The following SPSB2 variants were observed in gnomAD, a reference collection of about 807,000 sequenced individuals.
The protein encoded by SPSB2 is splA/ryanodine receptor domain and SOCS box containing 2.
Under a neutral mutation model 19.2 loss-of-function variants are expected in SPSB2, and 25 were observed. The ratio of observed to expected loss-of-function variants is 1.30; its 90% CI spans 0.95 to 1.82. SPSB2 has a LOEUF of 1.82. Ranked by LOEUF, SPSB2 falls within the 40% of genes most tolerant of loss-of-function variation. SPSB2 has a pLI of 0.00. For missense variants in SPSB2, 413 were observed against 344.9 expected (o/e 1.20, Z -1.56); for synonymous variants, 153 against 154.9 (o/e 0.99, Z 0.09).
At chr12:6,871,760 G>A (rs1201528846) in intron 2 of SPSB2, 4 of 366,198 alleles carry the variant, frequency 1.1e-5, no homozygotes, top group Admixed American at 4.4e-5. Context: ...CTCCTCCCTG[G>A]TGCCCAGGGC....
rs1555133263 is a variant in SPSB2 at position 6,871,190 on chromosome 12, G to A, written c.*2C>T. The A allele has an allele frequency of 6.3e-7, 1 of 1,594,476 alleles. No homozygotes were observed. The highest frequency in any genetic ancestry group is 1.8e-5 in the Admixed American group (1 of 55,960). On this transcript the variant is annotated 3_prime_UTR_variant, in exon 3 of 3. Transcript: ENST00000524270. ...TCAGCACAGTCTGTGGTATCACAGG[G>A]CTCACTGGTAGAGCAGGTAGCGCTT...
At chr12:6,872,167 A>G in intron 2 of SPSB2, 71 bp downstream of exon 2, 1 of 1,613,328 alleles carries the variant, frequency 6.2e-7, no homozygotes, top group East Asian at 2.2e-5. Flanking sequence ...TGCTCTTGTC[A>G]GAAGAGTTTC....
chr12:6,873,119 G>T, intron 1 of SPSB2, 122 bp from the exon 2 acceptor site: 1 of 540,152 alleles, frequency 1.9e-6, no homozygotes, highest in South Asian at 2.7e-5. Flanking sequence ...CAAAGCTCCT[G>T]GGCCCTTCAT....
At position 6,872,398 on chromosome 12, in the gene SPSB2, C is replaced by T. The variant is rs1565540722; in HGVS notation, c.504G>A (p.Leu168=). 1 of 1,614,242 alleles carries T rather than the reference C, an allele frequency of 6.2e-7. No individual in the cohort carries two copies. Among genetic ancestry groups the T allele is most frequent in the African/African-American group, 1.3e-5 (1 of 75,068 alleles). The stretch of plus-strand genomic sequence containing the variant: ...TTCCCTCCTCCATGTCCAGAACCAC[C>T]AGCAGTCTCTCTGGCACCTCCAGCT... ...GEQLEVPERL[L]VVLDMEEGTL... The change falls in exon 2 of 3, where the codon CTG becomes CTA. Residue 168 remains leucine (L), a synonymous_variant. Coordinates refer to ENST00000524270, the MANE Select transcript of SPSB2 (RefSeq NM_032641.4).
chr12:6,871,343 G>T lies in SPSB2; in HGVS notation c.665-24C>A, dbSNP rs76935190. ...CGCTGGGAGAGAGAAGGAGGGGAATGTAAGTATGGGTGCAGCCACCAGCCA... is the reference window on the plus strand; with the variant it reads ...CGCTGGGAGAGAGAAGGAGGGGAATTTAAGTATGGGTGCAGCCACCAGCCA... On this transcript the variant is annotated intron_variant, in intron 2 of 2. Coordinates refer to ENST00000524270, the MANE Select transcript of SPSB2 (RefSeq NM_032641.4). 370 of 1,604,192 alleles carry T rather than the reference G, an allele frequency of 2.3e-4. 4 individuals are homozygous for T. In the African/African-American group the frequency reaches 4.2e-3, roughly 18 times the overall value.
Position 6,872,495 on chromosome 12 carries a change from C to T in SPSB2, c.407G>A (p.Gly136Glu), listed in dbSNP as rs1555133886. 3.7e-6 allele frequency: 6 copies of T among 1,612,980 alleles called. No homozygotes were observed. The highest frequency in any genetic ancestry group is 1.3e-5 in the African/African-American group (1 of 75,052). The stretch of plus-strand genomic sequence containing the variant: ...GCTCTGATGGTACAGCTTCCCCCGC[C>T]CGATGTCCCAGCCCCACGACTCGCT... ...SNSESWGWDI[G>E]RGKLYHQSKG... is the part of the protein sequence containing the mutation. Residue 136 changes from glycine to glutamate, a missense_variant, in exon 2 of 3, where the codon GGG becomes GAG. Coordinates refer to ENST00000524270, the MANE Select transcript of SPSB2 (RefSeq NM_032641.4).
At position 6,871,237 on chromosome 12, in the gene SPSB2, G is replaced by C; in HGVS notation, c.747C>G (p.Ala249=). 2 of 1,612,708 alleles carry C rather than the reference G, an allele frequency of 1.2e-6. No individual in the cohort carries two copies. The highest frequency in any genetic ancestry group is 1.7e-6 in the Non-Finnish European group (2 of 1,179,408). The part of the protein sequence containing the change: ...LGDTRLGQVS[A]LPLPPAMKRY... ...GCTTCATGGCAGGGGGCAAGGGCAGGGCAGACACCTGGCCGAGCCGGGTAT... is the reference window on the plus strand; with the variant it reads ...GCTTCATGGCAGGGGGCAAGGGCAGCGCAGACACCTGGCCGAGCCGGGTAT... Residue 249 remains alanine, a synonymous_variant, in exon 3 of 3, where the codon GCC becomes GCG. Transcript: ENST00000524270.
intron 2 of SPSB2, chr12:6,871,936 C>A: frequency 7.3e-7 from 1 of 1,378,630 alleles, no homozygotes; most frequent in Non-Finnish European, 9.5e-7. Flanking sequence ...GCACCTCTTG[C>A]TCAGGGGTTG....
chr12:6,871,896 C>T, intron 2 of SPSB2: 1 of 1,076,486 alleles, frequency 9.3e-7, no homozygotes, highest in Non-Finnish European at 1.3e-6. Flanking sequence ...TCTTTTGGAC[C>T]TGTACATCAA....
Position 6,872,882 on chromosome 12 carries a change from G to T in SPSB2, c.20C>A (p.Ala7Glu). The change falls in exon 2 of 3, where the codon GCA (alanine) becomes GAA (glutamate). Residue 7 changes from alanine to glutamate, a missense_variant. Physicochemically the swap from Ala to Glu is moderately radical, Grantham distance 107 (BLOSUM62 -1). Coordinates refer to ENST00000524270, the MANE Select transcript of SPSB2 (RefSeq NM_032641.4). MGQTAL[A>E]GGSSSTPTPQ... is the part of the protein sequence containing the mutation. Reference sequence around the variant, plus strand: ...CGTGGGGGTGCTGCTGCTGCCCCCTGCCAGAGCTGTCTGGCCCATGGAGGT... The same window carrying T: ...CGTGGGGGTGCTGCTGCTGCCCCCTTCCAGAGCTGTCTGGCCCATGGAGGT... 6.3e-7 allele frequency: 1 copy of T among 1,585,956 alleles called. No homozygotes were observed.
At chr12:6,871,924 T>C (rs1421467112) in intron 2 of SPSB2, 13 of 1,324,432 alleles carry the variant, frequency 9.8e-6, no homozygotes, top group East Asian at 5.1e-5. Flanking sequence ...ACCTAACGCT[T>C]TGCACCTCTT....
At position 6,872,430 on chromosome 12, in the gene SPSB2, C is replaced by G; in HGVS notation, c.472G>C (p.Gly158Arg). 2.5e-6 allele frequency: 4 copies of G among 1,614,250 alleles called. No homozygotes were observed. The highest frequency in any genetic ancestry group is 3.4e-6 in the Non-Finnish European group (4 of 1,180,038). ...CTCTCTGGCACCTCCAGCTGCTCAC[C>G]CTGAGTTCCCGCTGGATACTGGGGG... ...GAPQYPAGTQ[G>R]EQLEVPERLL... Residue 158 changes from glycine to arginine, a missense_variant, in exon 2 of 3, where the codon GGT (glycine) becomes CGT (arginine). By Grantham distance (125) the Gly-to-Arg change is moderately radical (BLOSUM62 -2). Coordinates refer to ENST00000524270, the MANE Select transcript of SPSB2 (RefSeq NM_032641.4).
rs782572696 is a variant in SPSB2 at position 6,872,329 on chromosome 12, G to A, written c.573C>T (p.Phe191=). The change falls in exon 2 of 3, where the codon TTC becomes TTT. Residue 191 remains phenylalanine (F), a synonymous_variant. Coordinates refer to ENST00000524270, the MANE Select transcript of SPSB2 (RefSeq NM_032641.4). ...AIGGTYLGPA[F]RGLKGRTLYP... ...AGAGGGTCCTGCCCTTCAGTCCGCGGAATGCTGGCCCCAGGTAGGTGCCCC... is the reference window on the plus strand; with the variant it reads ...AGAGGGTCCTGCCCTTCAGTCCGCGAAATGCTGGCCCCAGGTAGGTGCCCC... 6.2e-7 allele frequency: 1 copy of A among 1,614,204 alleles called. No homozygotes were observed.
rs778327117 is a variant in SPSB2 at position 6,872,628 on chromosome 12, C to T, written c.274G>A (p.Glu92Lys). ...RGYSRGLHAW[E>K]ISWPLEQRGT... ...CTCTGCTCTAGGGGCCAGCTGATCTCCCAGGCGTGCAGGCCCCTTGAATAG... is the reference window on the plus strand; with the variant it reads ...CTCTGCTCTAGGGGCCAGCTGATCTTCCAGGCGTGCAGGCCCCTTGAATAG... The change falls in exon 2 of 3, where the codon GAG (glutamate) becomes AAG (lysine). Residue 92 changes from glutamate to lysine, a missense_variant. By Grantham distance (56) the Glu-to-Lys change is moderately conservative (BLOSUM62 1). Coordinates refer to ENST00000524270, the MANE Select transcript of SPSB2 (RefSeq NM_032641.4). The T allele has an allele frequency of 6.2e-7, 1 of 1,610,906 alleles. No individual in the cohort carries two copies. The highest frequency in any genetic ancestry group is 8.5e-7 in the Non-Finnish European group (1 of 1,179,870).
Position 6,872,942 on chromosome 12 carries a change from G to T in SPSB2, c.-41C>A. On this transcript the variant is annotated 5_prime_UTR_variant, in exon 2 of 3. Coordinates refer to ENST00000524270, the MANE Select transcript of SPSB2 (RefSeq NM_032641.4). ...GAGGACTCCCCGAAAGAGGCTTGCT[G>T]GGGCGTCTTTCTCTTCTGAAAGTTG... 7.2e-7 allele frequency: 1 copy of T among 1,394,140 alleles called. No homozygotes were observed. Among genetic ancestry groups the T allele is most frequent in the Non-Finnish European group, 9.7e-7 (1 of 1,026,484 alleles). The allele number at this position is 1,394,140 out of a possible 1,614,324, so 86.4% of individuals were successfully genotyped here. A position where few individuals can be genotyped will look rare whatever the true frequency, so the allele number is the denominator to read the frequency against.
At chr12:6,871,736 CCTCCTCCACTGCT>C (rs1944598403) in intron 2 of SPSB2, 1 of 349,280 alleles carries the variant, frequency 2.9e-6, no homozygotes, top group African/African-American at 2.1e-5. Context: ...TAAGGCCCTG[CCTCCTCCACTGCT>C]CTCCTCCCTG....
Position 6,872,826 on chromosome 12 carries a change from G to A in SPSB2, c.76C>T (p.Pro26Ser), listed in dbSNP as rs181213322. The change falls in exon 2 of 3, where the codon CCC (proline) becomes TCC (serine). Residue 26 changes from proline (P) to serine (S), a missense_variant. Physicochemically the swap from Pro to Ser is moderately conservative, Grantham distance 74. Coordinates refer to ENST00000524270, the MANE Select transcript of SPSB2 (RefSeq NM_032641.4). ...PQALYPDLSC[P>S]EGLEELLSAP... ...GACAGCAGCTCTTCCAAGCCCTCGGGACAGGAGAGGTCAGGGTACAGGGCC... is the reference window on the plus strand; with the variant it reads ...GACAGCAGCTCTTCCAAGCCCTCGGAACAGGAGAGGTCAGGGTACAGGGCC... 1 of 1,611,664 alleles carries A rather than the reference G, an allele frequency of 6.2e-7. No homozygotes were observed. Among genetic ancestry groups the A allele is most frequent in the East Asian group, 2.2e-5 (1 of 44,884 alleles).
rs140296621 is a variant in SPSB2 at position 6,872,665 on chromosome 12, C to A, written c.237G>T (p.Arg79=). Residue 79 remains arginine, a synonymous_variant, in exon 2 of 3, where the codon CGG becomes CGT. Coordinates refer to ENST00000524270, the MANE Select transcript of SPSB2 (RefSeq NM_032641.4). ...GGCCCCTTGAATAGCCCCTCTTACCCCGGGCCCCATCAGTGCTCTGGGCCA... is the reference window on the plus strand; with the variant it reads ...GGCCCCTTGAATAGCCCCTCTTACCACGGGCCCCATCAGTGCTCTGGGCCA... ...RPVAQSTDGA[R]GKRGYSRGLH... is the part of the protein sequence containing the mutation. 314 of 1,612,460 alleles carry A rather than the reference C, an allele frequency of 1.9e-4. 2 individuals are homozygous for A. The Admixed American group carries it at 5.0e-3, about 25-fold the overall frequency.
At chr12:6,873,030 T>C (rs1944632652) in intron 1 of SPSB2, 33 bp from the exon 2 acceptor site, 1 of 652,004 alleles carries the variant, frequency 1.5e-6, no homozygotes, top group Non-Finnish European at 2.6e-6. Flanking sequence ...AGCAGAATCC[T>C]GGCGGGGGCT....
Sources: gnomAD v4.1 joint callset for allele counts on GRCh38, gnomAD v4.1.1 for gene constraint, MANE v1.5 for transcripts, NCBI Gene and HGNC (gene_info 2026-07-23, HGNC 2026-07-21) for gene names.